The following HMCN1 variants were observed in gnomAD, a reference collection of about 807,000 sequenced individuals.
HMCN1 encodes the protein hemicentin-1.
A neutral mutation model predicts 625.9 loss-of-function variants in HMCN1; 321 were observed. The ratio of observed to expected loss-of-function variants is 0.51; its 90% CI spans 0.47 to 0.56. HMCN1 has a LOEUF of 0.56. Ranked by LOEUF, HMCN1 falls within the 20% of genes least tolerant of loss-of-function variation. HMCN1 has a pLI of 0.00. For synonymous variants in HMCN1, 2,425 were observed against 2,417.6 expected (o/e 1.00, Z -0.09); for missense variants, 6,588 against 6,887.3 (o/e 0.96, Z 1.54).
At chr1:186,119,113 C>A in intron 77 of HMCN1, 78 bp from the exon 78 acceptor site, 1 of 1,053,994 alleles carries the variant, frequency 9.5e-7, no homozygotes, top group South Asian at 1.3e-5. Flanking sequence ...GCAGAAAACA[C>A]ACAAAAGAGA....
intron 55 of HMCN1, among the ~76,000 whole-genome samples, chr1:186,078,677 A>G (rs1186492827): frequency 6.6e-6 from 1 of 152,160 alleles, no homozygotes; most frequent in African/African-American, 2.4e-5. Context: ...TTCTCCTAGT[A>G]TTTACAATTG....
chr1:185,858,164 G>T (rs1662590264), intron 2 of HMCN1, among the ~76,000 whole-genome samples: 1 of 152,164 alleles, frequency 6.6e-6, no homozygotes, highest in South Asian at 2.1e-4. Context: ...ATCCATTGAT[G>T]TAAAGAATAA....
chr1:186,115,493 T>C, intron 75 of HMCN1, 79 bp downstream of exon 75: 1 of 1,304,140 alleles, frequency 7.7e-7, no homozygotes, highest in Non-Finnish European at 1.1e-6. Context: ...ATCAGTGGGG[T>C]CAGCAAATAT....
chr1:186,189,545 G>T lies in HMCN1; in HGVS notation c.16575G>T (p.Leu5525Phe). 4 of 1,613,416 alleles carry T rather than the reference G, an allele frequency of 2.5e-6. No individual in the cohort carries two copies. The highest frequency in any genetic ancestry group is 3.4e-6 in the Non-Finnish European group (4 of 1,179,694). Residue 5525 changes from leucine (L) to phenylalanine (F), a missense_variant, in exon 107 of 107, where the codon TTG becomes TTT. Physicochemically the swap from Leu to Phe is conservative, Grantham distance 22. This residue lies in a region of HMCN1 where 1,954 missense variants were observed against 2,013.1 expected (regional missense o/e 0.97). Transcript: ENST00000271588. ...FCLKNCPPNDLECALSPYALE... is the reference protein window; with the variant it reads ...FCLKNCPPNDFECALSPYALE... ...TCAAGAACTGTCCACCCAATGATTT[G>T]GAATGTGCCTTGAGCCCATATGCCT... is the stretch of plus-strand genomic sequence containing the variant.
At chr1:185,963,984 G>C (rs1650216800) in intron 13 of HMCN1, 89 bp downstream of exon 13, 3 of 1,038,432 alleles carry the variant, frequency 2.9e-6, no homozygotes, top group Non-Finnish European at 4.5e-6. Flanking sequence ...ATTAATATTA[G>C]TAATGCATAC....
At chr1:185,815,583 G>T (rs1391907555) in intron 1 of HMCN1, among the ~76,000 whole-genome samples, 2 of 149,750 alleles carry the variant, frequency 1.3e-5, no homozygotes, top group African/African-American at 5.1e-5. Flanking sequence ...TTGCTGTGGG[G>T]ATAATTTTGA....
intron 78 of HMCN1, 33 bp downstream of exon 78, chr1:186,119,331 C>T: frequency 1.3e-6 from 2 of 1,535,642 alleles, no homozygotes; most frequent in Non-Finnish European, 1.8e-6. Flanking sequence ...TCAAAGTTCG[C>T]TGGGTTTGGG....
intron 49 of HMCN1, among the ~76,000 whole-genome samples, chr1:186,065,908 T>C (rs114611241): frequency 6.6e-6 from 1 of 152,192 alleles, no homozygotes; most frequent in Non-Finnish European, 1.5e-5. Flanking sequence ...TGTGCTCACT[T>C]TTTGAAATTT....
In HMCN1 at chr1:186,171,183, A is replaced by C. The variant is rs76949121; in HGVS notation, c.15575-154A>C. Among the ~76,000 whole-genome samples, 1,279 of 152,290 alleles carry C rather than the reference A, an allele frequency of 8.4e-3. 22 individuals are homozygous for C. Among genetic ancestry groups the C allele is most frequent in the African/African-American group, 0.029 (1,202 of 41,556 alleles). On this transcript the variant is annotated intron_variant, in intron 100 of 106. Transcript: ENST00000271588. ...ACCCTCTCCAACAATTAATTCTATC[A>C]AGTATTTGGCAGATCACATGAGTGC...
At chr1:186,062,651 C>A in intron 48 of HMCN1, 51 bp downstream of exon 48, 1 of 1,177,056 alleles carries the variant, frequency 8.5e-7, no homozygotes, top group Non-Finnish European at 1.3e-6. Context: ...CACTGATAGT[C>A]ATTGCCTCCA....
intron 15 of HMCN1, among the ~76,000 whole-genome samples, chr1:185,972,855 G>C (rs1650926367): frequency 6.6e-6 from 1 of 152,018 alleles, no homozygotes; most frequent in African/African-American, 2.4e-5. Flanking sequence ...CCTTGTGCTT[G>C]TTTTGTTGAA....
Position 185,800,965 on chromosome 1 carries a change from T to C in HMCN1, c.269-45061T>C, listed in dbSNP as rs116366387. On this transcript the variant is annotated intron_variant, in intron 1 of 106. Transcript: ENST00000271588. ...TTCTTGGGTCACTACTCTACTCTGA[T>C]CTTTGCAGCTTTTAAAAACCTGTAC... is the stretch of plus-strand genomic sequence containing the variant. Among the ~76,000 whole-genome samples the C allele has an allele frequency of 3.5e-3, 533 of 152,318 alleles. 5 individuals carry two copies. The highest frequency in any genetic ancestry group is 0.012 in the African/African-American group (501 of 41,580).
chr1:186,053,162 A>G, intron 43 of HMCN1, 88 bp downstream of exon 43: 1 of 1,314,402 alleles, frequency 7.6e-7, no homozygotes, highest in South Asian at 1.2e-5. Flanking sequence ...GATTATAAAC[A>G]AATTTTCCTG....
At chr1:186,031,546 G>C (rs1351764477) in intron 36 of HMCN1, among the ~76,000 whole-genome samples, 1 of 151,880 alleles carries the variant, frequency 6.6e-6, no homozygotes, top group Non-Finnish European at 1.5e-5. Flanking sequence ...TATATAGATT[G>C]ATGCTTTTCT....
intron 1 of HMCN1, among the ~76,000 whole-genome samples, chr1:185,842,183 G>A (rs1661516092): frequency 6.6e-6 from 1 of 152,112 alleles, no homozygotes; most frequent in South Asian, 2.1e-4. Context: ...GAGACTTTGA[G>A]GACAGGGTCC....
chr1:185,902,417 A>ATCTATC (rs1558053114), intron 4 of HMCN1, among the ~76,000 whole-genome samples: 40 of 133,010 alleles, frequency 3.0e-4, no homozygotes, highest in African/African-American at 1.5e-3. Context: ...CTATCTATCT[A>ATCTATC]TCTATCTATC....
intron 52 of HMCN1, among the ~76,000 whole-genome samples, chr1:186,071,374 TC>T (rs1250414785): frequency 6.6e-6 from 1 of 152,168 alleles, no homozygotes; most frequent in East Asian, 1.9e-4. Flanking sequence ...AAAAGACAGA[TC>T]CTTCAATTCT....
At chr1:185,882,262 T>A (rs1664354537) in intron 4 of HMCN1, among the ~76,000 whole-genome samples, 1 of 152,150 alleles carries the variant, frequency 6.6e-6, no homozygotes, top group Admixed American at 6.5e-5. Context: ...GAAGCAATGC[T>A]AATGAAACTC....
chr1:186,090,459 T>G lies in HMCN1; in HGVS notation c.9728-299T>G, dbSNP rs529319015. Among the ~76,000 whole-genome samples, 171 of 152,054 alleles carry G rather than the reference T, an allele frequency of 1.1e-3. 1 individual carries two copies. The highest frequency in any genetic ancestry group is 3.8e-3 in the Admixed American group (58 of 15,232). ...TGCTTGTGGTTCTTTAACTGTACTATCCATTGAGGATTTAATCTAAGAGTA... is the reference window on the plus strand; with the variant it reads ...TGCTTGTGGTTCTTTAACTGTACTAGCCATTGAGGATTTAATCTAAGAGTA... On this transcript the variant is annotated intron_variant, in intron 63 of 106. Transcript: ENST00000271588.
Sources: allele counts gnomAD v4.1 joint callset (sites outside exome capture counted in the v4.1 genomes callset), GRCh38; gene constraint gnomAD v4.1.1; regional missense constraint gnomAD v4.1.1; transcripts MANE v1.5; gene names NCBI Gene and HGNC (gene_info 2026-07-23, HGNC 2026-07-21).